The following B4GALNT2 variants were observed in gnomAD, a reference collection of about 807,000 sequenced individuals.
B4GALNT2 encodes beta-1,4-N-acetyl-galactosaminyltransferase 2 (SID blood group), also known as N-acetylneuraminylgalactosylglucosyl-glucoside beta-1,4-N- acetylgalactosaminyltransferase 2.
Under a neutral mutation model 51.1 loss-of-function variants are expected in B4GALNT2, and 42 were observed. The ratio of observed to expected loss-of-function variants is 0.82; its 90% confidence interval spans 0.64 to 1.06. The LOEUF (loss-of-function observed/expected upper bound fraction) is 1.06, where lower values mean the gene tolerates loss of function less well. Ranked by LOEUF, B4GALNT2 falls within the 50% of genes least tolerant of loss-of-function variation. The pLI is 0.00. For synonymous variants in B4GALNT2, 253 were observed against 251.7 expected, an observed-to-expected ratio of 1.01 and a Z score of -0.05; for missense variants, 602 against 633.6, an observed-to-expected ratio of 0.95 and a Z score of 0.54.
chr17:49,127,814 C>G (rs948727881), upstream of B4GALNT2, among the ~76,000 whole-genome samples: 7 of 152,152 alleles, frequency 4.6e-5, no homozygotes, highest in African/African-American at 1.7e-4. Flanking sequence ...ACAGATTTTT[C>G]CCAAAACGGG....
chr17:49,136,795 T>C lies in B4GALNT2; in HGVS notation c.14+3989T>C, dbSNP rs375829575. On this transcript the variant is annotated intron_variant, in intron 1 of 10. Transcript: ENST00000393354. ...TTCCTGACCTCAGGTGATCTGCCTG[T>C]CTCGGCCTCCCAAAGTGCTGGGATT... Among the ~76,000 whole-genome samples, 265 of 152,084 alleles carry C rather than the reference T, an allele frequency of 1.7e-3. 4 individuals are homozygous for C. The highest frequency in any genetic ancestry group is 5.8e-3 in the African/African-American group (240 of 41,470).
chr17:49,135,538 G>A (rs969920866), intron 1 of B4GALNT2, among the ~76,000 whole-genome samples: 1 of 151,854 alleles, frequency 6.6e-6, no homozygotes, highest in Non-Finnish European at 1.5e-5. Context: ...GATTACAGGC[G>A]TGAGCCACCG....
chr17:49,133,119 C>A, intron 1 of B4GALNT2: 1 of 1,524,130 alleles, frequency 6.6e-7, no homozygotes, highest in Non-Finnish European at 8.7e-7. Context: ...GTGTGGGAAT[C>A]GGCTCGGGAG....
In B4GALNT2 at chr17:49,174,308, T is replaced by A. The variant is rs1467214152; in HGVS notation, c.*4580T>A. ...AGTAGGTTCAATTGTTTGCCCTACA[T>A]AAGTCTGGCAAATTGTTGGACTGTT... On this transcript the variant is annotated 3_prime_UTR_variant, in exon 11 of 11. Coordinates refer to ENST00000393354, the MANE Select transcript of B4GALNT2 (RefSeq NM_001159387.2). 6.6e-6 allele frequency: 1 copy of A among 152,240 alleles called. No individual in the cohort carries two copies. Among genetic ancestry groups the A allele is most frequent in the Non-Finnish European group, 1.5e-5 (1 of 68,046 alleles). 9.4% of individuals were successfully genotyped at this position (152,240 alleles called of 1,614,324 possible). A position where few individuals can be genotyped will look rare whatever the true frequency, so the allele number is the denominator to read the frequency against.
upstream of B4GALNT2, among the ~76,000 whole-genome samples, chr17:49,129,033 C>T (rs1219802908): frequency 6.6e-6 from 1 of 152,204 alleles, no homozygotes; most frequent in Non-Finnish European, 1.5e-5. Context: ...GGATGGCAGA[C>T]CTGACTGTCC....
In B4GALNT2 at chr17:49,166,201, G is replaced by T; in HGVS notation, c.1042G>T (p.Glu348Ter). Residue 348 changes from glutamate to a stop codon, truncating the protein, a stop_gained, in exon 9 of 11, where the codon GAG becomes TAG. Transcript: ENST00000393354. LOFTEE classifies it high-confidence loss of function. ...GGACGATGATTTTCTCTTCAACGAG[G>T]AGACCAAGATTGAGGTGCTGGTGGA... ...WVDDDFLFNE[E>*]TKIEVLVDVL... 1 of 1,614,140 alleles carries T rather than the reference G, an allele frequency of 6.2e-7. No homozygotes were observed. Among genetic ancestry groups the T allele is most frequent in the Non-Finnish European group, 8.5e-7 (1 of 1,180,034 alleles).
intron 1 of B4GALNT2, among the ~76,000 whole-genome samples, chr17:49,136,064 C>A (rs924297616): frequency 1.4e-5 from 2 of 142,024 alleles, no homozygotes; most frequent in Admixed American, 1.5e-4. Context: ...GCCTGGGCAA[C>A]AGAGCGAGAC....
intron 7 of B4GALNT2, among the ~76,000 whole-genome samples, 155 bp downstream of exon 7, chr17:49,160,796 GAC>G (rs1434375369): frequency 6.6e-6 from 1 of 152,046 alleles, no homozygotes; most frequent in Admixed American, 6.6e-5. Context: ...AAAACTCTAA[GAC>G]ACAATCCCCT....
chr17:49,130,392 C>T (rs541957232), upstream of B4GALNT2, among the ~76,000 whole-genome samples: 2 of 152,330 alleles, frequency 1.3e-5, no homozygotes, highest in African/African-American at 2.4e-5. Context: ...AATCCCAGCA[C>T]TTTGGGAGGC....
At chr17:49,133,925 CAAACA>C (rs901562927) in intron 1 of B4GALNT2, among the ~76,000 whole-genome samples, 6 of 150,600 alleles carry the variant, frequency 4.0e-5, no homozygotes, top group East Asian at 3.9e-4. Flanking sequence ...AACAAACAAA[CAAACA>C]AAACAAACAA....
chr17:49,150,205 T>C (rs1190673237), intron 3 of B4GALNT2, among the ~76,000 whole-genome samples: 1 of 119,014 alleles, frequency 8.4e-6, no homozygotes, highest in African/African-American at 3.4e-5. Flanking sequence ...GGTGGGGGGG[T>C]CAGCCCCCCG....
chr17:49,160,747 G>C (rs542090787), intron 7 of B4GALNT2, 106 bp downstream of exon 7: 7 of 1,003,650 alleles, frequency 7.0e-6, no homozygotes, highest in Admixed American at 5.7e-5. Context: ...CAAAATGACA[G>C]CTCTGATATG....
chr17:49,161,177 A>G (rs1287277453), intron 7 of B4GALNT2, among the ~76,000 whole-genome samples: 3 of 151,850 alleles, frequency 2.0e-5, no homozygotes, highest in African/African-American at 7.3e-5. Flanking sequence ...CTGGAGGCTG[A>G]GGCAGGAGAA....
chr17:49,162,220 A>G (rs998292074), intron 7 of B4GALNT2, among the ~76,000 whole-genome samples: 1 of 152,184 alleles, frequency 6.6e-6, no homozygotes, highest in African/African-American at 2.4e-5. Flanking sequence ...AAAATCTTCG[A>G]TTCACATTAA....
At position 49,141,252 on chromosome 17, in the gene B4GALNT2, G is replaced by T. The variant is rs777942057; in HGVS notation, c.20G>T (p.Arg7Ile). 14 of 1,613,786 alleles carry T rather than the reference G, an allele frequency of 8.7e-6. No homozygotes were observed. In the South Asian group the frequency reaches 1.5e-4, roughly 18 times the overall value. Residue 7 changes from arginine to isoleucine, a missense_variant, in exon 2 of 11, where the codon AGA (arginine) becomes ATA (isoleucine). Transcript: ENST00000393354. Reference sequence around the variant, plus strand: ...GTTCTTTTGTGTCCCAACAGCTCGAGATTTCTGTGGCTCCTCAAGATATTG... The same window carrying T: ...GTTCTTTTGTGTCCCAACAGCTCGATATTTCTGTGGCTCCTCAAGATATTG... The part of the protein sequence containing the change: MTSGGS[R>I]FLWLLKILVI...
In B4GALNT2 at chr17:49,172,286, G is replaced by A. The variant is rs113705068; in HGVS notation, c.*2558G>A. On this transcript the variant is annotated 3_prime_UTR_variant, in exon 11 of 11. Transcript: ENST00000393354. ...GAATCTCTTCCTCAGCATCTGGCTC[G>A]TGGCAAGGTTTCAGGTGTCTTGATG... The A allele has an allele frequency of 1.3e-4, 23 of 179,328 alleles. No homozygotes were observed. In the South Asian group the frequency reaches 2.1e-3, roughly 16 times the overall value. The allele number at this position is 179,328 out of a possible 1,614,324, so 11.1% of individuals were successfully genotyped here.
intron 7 of B4GALNT2, 51 bp downstream of exon 7, chr17:49,160,692 G>A (rs760502999): frequency 6.6e-7 from 1 of 1,524,946 alleles, no homozygotes; most frequent in East Asian, 2.2e-5. Flanking sequence ...TGAAGCTATT[G>A]GTGAAATTCA....
rs188463652 is a variant in B4GALNT2, at chr17:49,173,002, C to A, written c.*3274C>A. 6 of 152,326 alleles carry A rather than the reference C, an allele frequency of 3.9e-5. No individual in the cohort carries two copies. Among genetic ancestry groups the A allele is most frequent in the African/African-American group, 1.2e-4 (5 of 41,572 alleles). 9.4% of individuals were successfully genotyped at this position (152,326 alleles called of 1,614,324 possible). On this transcript the variant is annotated 3_prime_UTR_variant, in exon 11 of 11. Coordinates refer to ENST00000393354, the MANE Select transcript of B4GALNT2 (RefSeq NM_001159387.2). Reference sequence around the variant, plus strand: ...GCTGGATAATAGCTTTAGCTTCTTTCCAGGTAATGCCGTATCTGTGTTTGA... The same window carrying A: ...GCTGGATAATAGCTTTAGCTTCTTTACAGGTAATGCCGTATCTGTGTTTGA...
At chr17:49,165,305 ACTCT>A (rs1429111815) in intron 8 of B4GALNT2, among the ~76,000 whole-genome samples, 2 of 117,536 alleles carry the variant, frequency 1.7e-5, no homozygotes, top group South Asian at 2.8e-4. Context: ...CTCCCTCCCC[ACTCT>A]CTCTTTCTCT....
Sources: allele counts gnomAD v4.1 joint callset (sites outside exome capture counted in the v4.1 genomes callset), GRCh38; gene constraint gnomAD v4.1.1; transcripts MANE v1.5; gene names NCBI Gene and HGNC (gene_info 2026-07-23, HGNC 2026-07-21).